The following ZNF318 variants were observed in gnomAD, a reference collection of about 807,000 sequenced individuals.
ZNF318 encodes endocrine regulator.
Under a neutral mutation model 124.2 loss-of-function variants are expected in ZNF318, and 51 were observed. The observed-to-expected ratio is 0.41, with a 90% CI of 0.33 to 0.52. ZNF318 has a LOEUF of 0.52. Ranked by LOEUF, ZNF318 falls within the 20% of genes least tolerant of loss-of-function variation. ZNF318 has a pLI of 0.23. For missense variants in ZNF318, 2,815 were observed against 2,811.2 expected, an observed-to-expected ratio of 1.00 and a Z score of -0.03; for synonymous variants, 1,090 against 1,040.7, an observed-to-expected ratio of 1.05 and a Z score of -0.91.
At chr6:43,346,373 C>T (rs775777856) in intron 6 of ZNF318, among the ~76,000 whole-genome samples, 12 of 151,464 alleles carry the variant, frequency 7.9e-5, no homozygotes, top group Non-Finnish European at 1.8e-4. Flanking sequence ...CTCAGCTACT[C>T]GGCAGGCTGA....
At position 43,368,970 on chromosome 6, in the gene ZNF318, G is replaced by C. The variant is rs1779797376; in HGVS notation, c.396C>G (p.Ser132Arg). 1 of 1,416,232 alleles carries C rather than the reference G, an allele frequency of 7.1e-7. No individual in the cohort carries two copies. The highest frequency in any genetic ancestry group is 1.5e-5 in the African/African-American group (1 of 67,516). The allele number at this position is 1,416,232 out of a possible 1,614,324, so 87.7% of individuals were successfully genotyped here. The change falls in exon 1 of 10, where the codon AGC becomes AGG. Residue 132 changes from serine (S) to arginine (R), a missense_variant. Ser to Arg is a moderately radical substitution (Grantham distance 110). Transcript: ENST00000361428. The stretch of plus-strand genomic sequence containing the variant: ...CCTGGACGAGGGGTGGGATTACCCG[G>C]CTGCCGCTGTCGCCTGGATGGTCTC... ...GRGDHPGDSGSRRRSPGLCSD... is the reference protein window; with the variant it reads ...GRGDHPGDSGRRRRSPGLCSD...
chr6:43,343,010 A>C, intron 6 of ZNF318, 131 bp from the exon 7 acceptor site: 1 of 724,364 alleles, frequency 1.4e-6, no homozygotes, highest in Non-Finnish European at 2.2e-6. Flanking sequence ...AAAGCTGCAC[A>C]AGTTGGGGGG....
At chr6:43,352,192 CCAT>C (rs1190360198) in intron 5 of ZNF318, among the ~76,000 whole-genome samples, 182 bp downstream of exon 5, 17 of 152,078 alleles carry the variant, frequency 1.1e-4, no homozygotes, top group East Asian at 7.7e-4. Flanking sequence ...ATCACCACCA[CCAT>C]CATCTGGGAG....
chr6:43,357,554 G>C lies in ZNF318; in HGVS notation c.760C>G (p.Arg254Gly), dbSNP rs986755957. 2.5e-6 allele frequency: 4 copies of C among 1,613,970 alleles called. No individual in the cohort carries two copies. The Middle Eastern group carries it at 5.0e-4, about 200-fold the overall frequency. Residue 254 changes from arginine to glycine, a missense_variant, in exon 3 of 10, where the codon CGA becomes GGA. Arg to Gly is a moderately radical substitution (Grantham distance 125). This residue lies in a region of ZNF318 where 1,377 missense variants were observed against 1,353.5 expected (regional missense o/e 1.02). Transcript: ENST00000361428. ...DELLRGTERN[R>G]EKLKGYSIRS... ...ATGGAGTAGCCTTTGAGTTTTTCTC[G>C]ATTCCGTTCTGTTCCCCGCAACAGC...
chr6:43,355,325 G>C lies in ZNF318; in HGVS notation c.2009C>G (p.Ser670Cys). Residue 670 changes from serine to cysteine, a missense_variant, in exon 4 of 10, where the codon TCC becomes TGC. Ser to Cys is a moderately radical substitution (Grantham distance 112, BLOSUM62 -1). Transcript: ENST00000361428. The part of the protein sequence containing the change: ...VDHCFSADRR[S>C]SDPHRLESRE... The stretch of plus-strand genomic sequence containing the variant: ...GCTCTCTAGTCTGTGGGGATCTGAG[G>C]AACGTCGATCAGCTGAGAAGCAGTG... 1 of 1,614,228 alleles carries C rather than the reference G, an allele frequency of 6.2e-7. No individual in the cohort carries two copies. The highest frequency in any genetic ancestry group is 8.5e-7 in the Non-Finnish European group (1 of 1,180,044).
chr6:43,352,611 C>T lies in ZNF318; in HGVS notation c.2671-135G>A, dbSNP rs1431644440. On this transcript the variant is annotated intron_variant, in intron 4 of 9. Coordinates refer to ENST00000361428, the MANE Select transcript of ZNF318 (RefSeq NM_014345.3). The stretch of plus-strand genomic sequence containing the variant: ...TGCCTGCACACAGGCTCTGACCTTA[C>T]TGTCAAAGTAATATTTCGTTCTAAG... 3.9e-5 allele frequency: 28 copies of T among 717,206 alleles called. No individual in the cohort carries two copies. In the East Asian group the frequency reaches 7.1e-4, roughly 18 times the overall value. 44.4% of individuals were successfully genotyped at this position (717,206 alleles called of 1,614,324 possible).
At chr6:43,359,375 A>G (rs538617283) in intron 2 of ZNF318, among the ~76,000 whole-genome samples, 1 of 152,358 alleles carries the variant, frequency 6.6e-6, no homozygotes, top group East Asian at 1.9e-4. Context: ...ACCACACCCA[A>G]TAATGCTAAC....
Position 43,350,637 on chromosome 6 carries a change from A to T in ZNF318, c.2770+1740T>A, listed in dbSNP as rs139431027. Among the ~76,000 whole-genome samples the T allele has an allele frequency of 3.2e-4, 49 of 152,174 alleles. 1 individual carries two copies. Among genetic ancestry groups the T allele is most frequent in the African/African-American group, 1.1e-3 (45 of 41,514 alleles). On this transcript the variant is annotated intron_variant, in intron 5 of 9. Transcript: ENST00000361428. ...CAGGAGTTTTGAGACCAGCCTTGGCAACATGGCAAAACCTTGTCTCTAGCC... is the reference window on the plus strand; with the variant it reads ...CAGGAGTTTTGAGACCAGCCTTGGCTACATGGCAAAACCTTGTCTCTAGCC...
chr6:43,356,291 G>T, intron 3 of ZNF318, 146 bp from the exon 4 acceptor site: 1 of 864,134 alleles, frequency 1.2e-6, no homozygotes, highest in Non-Finnish European at 1.7e-6. Flanking sequence ...TCCTTAGCCA[G>T]ATTCAAAATG....
intron 8 of ZNF318, among the ~76,000 whole-genome samples, 172 bp from the exon 9 acceptor site, chr6:43,341,080 A>T (rs1008750795): frequency 6.6e-6 from 1 of 152,154 alleles, no homozygotes; most frequent in African/African-American, 2.4e-5. Flanking sequence ...AGTCTTTCCA[A>T]CCTAAGGCTT....
chr6:43,357,613 G>T lies in ZNF318; in HGVS notation c.701C>A (p.Ser234Tyr). ...YRTKETFLHR[S>Y]DYSPHISCHD... ...ACAACTGATATGGGGACTATAATCA[G>T]ATCGATGCAGGAAAGTTTCTTTTGT... The change falls in exon 3 of 10, where the codon TCT becomes TAT. Residue 234 changes from serine (S) to tyrosine (Y), a missense_variant. By Grantham distance (144) the Ser-to-Tyr change is moderately radical (BLOSUM62 -2). Transcript: ENST00000361428. The T allele has an allele frequency of 6.2e-7, 1 of 1,614,122 alleles. No homozygotes were observed. The highest frequency in any genetic ancestry group is 8.5e-7 in the Non-Finnish European group (1 of 1,180,036).
In ZNF318 at chr6:43,339,006, T is replaced by G. The variant is rs1470762220; in HGVS notation, c.4992A>C (p.Pro1664=). The G allele has an allele frequency of 1.9e-6, 3 of 1,614,232 alleles. No homozygotes were observed. In the South Asian group the frequency reaches 3.3e-5, roughly 18 times the overall value. ...GKWSVVEHVG[P]KSTGSTYGFL... ...AGCCATAGGTGCTGCCTGTGCTTTT[T>G]GGGCCTACATGTTCTACAACTGACC... Residue 1664 remains proline (P), a synonymous_variant, in exon 10 of 10, where the codon CCA becomes CCC. Coordinates refer to ENST00000361428, the MANE Select transcript of ZNF318 (RefSeq NM_014345.3). The surrounding 1 kb of genome is among the most constrained non-coding windows in gnomAD (Gnocchi z 4.2).
In ZNF318 at chr6:43,338,175, C is replaced by T. The variant is rs1779315914; in HGVS notation, c.5823G>A (p.Lys1941=). The T allele has an allele frequency of 6.2e-7, 1 of 1,613,970 alleles. No homozygotes were observed. Among genetic ancestry groups the T allele is most frequent in the Admixed American group, 1.7e-5 (1 of 59,988 alleles). ...RTSRYRSLKL[K]RERSKDFQVK... is the part of the protein sequence containing the mutation. ...CTTGAAAGTCTTTTGATCTTTCTCT[C>T]TTGAGTTTGAGACTTCTGTACCTAG... The change falls in exon 10 of 10, where the codon AAG becomes AAA. Residue 1941 remains lysine, a synonymous_variant. Coordinates refer to ENST00000361428, the MANE Select transcript of ZNF318 (RefSeq NM_014345.3).
chr6:43,354,925 G>A lies in ZNF318; in HGVS notation c.2409C>T (p.Pro803=). The A allele has an allele frequency of 6.2e-6, 10 of 1,611,296 alleles. No individual in the cohort carries two copies. The highest frequency in any genetic ancestry group is 8.5e-6 in the Non-Finnish European group (10 of 1,178,122). Residue 803 remains proline (P), a synonymous_variant, in exon 4 of 10, where the codon CCC becomes CCT. Transcript: ENST00000361428. ...TTGACGGTTGAGAGGTGGGATACATGGGCCATCTGGAGGCTGCATATGCCA... is the reference window on the plus strand; with the variant it reads ...TTGACGGTTGAGAGGTGGGATACATAGGCCATCTGGAGGCTGCATATGCCA... ...HYMAYAASRW[P]MYPTSQPSNH...
chr6:43,342,162 G>C lies in ZNF318; in HGVS notation c.3326C>G (p.Ala1109Gly). Residue 1109 changes from alanine (A) to glycine (G), a missense_variant, in exon 8 of 10, where the codon GCC (alanine) becomes GGC (glycine). Physicochemically the swap from Ala to Gly is moderately conservative, Grantham distance 60. This residue lies in a region of ZNF318 where 500 missense variants were observed against 605.2 expected (regional missense o/e 0.83). Transcript: ENST00000361428. Reference protein sequence around the residue: ...RPWASKTQSEAKQDAIKRTDK... With the variant: ...RPWASKTQSEGKQDAIKRTDK... Reference sequence around the variant, plus strand: ...AGTGCGCTTTATGGCATCTTGCTTGGCCTCACTCTGGGTCTTTGAAGCCCA... The same window carrying C: ...AGTGCGCTTTATGGCATCTTGCTTGCCCTCACTCTGGGTCTTTGAAGCCCA... 1 of 1,613,990 alleles carries C rather than the reference G, an allele frequency of 6.2e-7. No homozygotes were observed. The highest frequency in any genetic ancestry group is 8.5e-7 in the Non-Finnish European group (1 of 1,179,932).
chr6:43,354,555 G>A (rs559821663), intron 4 of ZNF318, 109 bp downstream of exon 4: 93 of 968,620 alleles, frequency 9.6e-5, no homozygotes, highest in East Asian at 6.1e-4. Flanking sequence ...GCCTCCAGAC[G>A]ACTTCAAGTG....
At chr6:43,365,269 GC>G in intron 2 of ZNF318, 22 bp downstream of exon 2, 1 of 1,609,284 alleles carries the variant, frequency 6.2e-7, no homozygotes, top group Non-Finnish European at 8.5e-7. Flanking sequence ...AGTATAGTAG[GC>G]CCTGCCTTAG....
At chr6:43,368,182 T>C (rs1040783050) in intron 1 of ZNF318, among the ~76,000 whole-genome samples, 2 of 152,180 alleles carry the variant, frequency 1.3e-5, no homozygotes, top group African/African-American at 4.8e-5. Context: ...CCTCTAGCAG[T>C]GAAACATAGA....
Position 43,337,253 on chromosome 6 carries a change from C to A in ZNF318, c.6745G>T (p.Val2249Leu), listed in dbSNP as rs761883843. 1 of 1,614,162 alleles carries A rather than the reference C, an allele frequency of 6.2e-7. No individual in the cohort carries two copies. The highest frequency in any genetic ancestry group is 1.1e-5 in the South Asian group (1 of 91,080). Residue 2249 changes from valine (V) to leucine (L), a missense_variant, in exon 10 of 10, where the codon GTA (valine) becomes TTA (leucine). Val to Leu is a conservative substitution (Grantham distance 32, BLOSUM62 1). Transcript: ENST00000361428. ...PVSRSPPREQ[V>L]IEDNMVPQGM... ...TGAGGGACCATATTGTCTTCAATTACCTGCTCCCTTGGAGGGGACCTTGAC... is the reference window on the plus strand; with the variant it reads ...TGAGGGACCATATTGTCTTCAATTAACTGCTCCCTTGGAGGGGACCTTGAC...
Sources: allele counts gnomAD v4.1 joint callset (sites outside exome capture counted in the v4.1 genomes callset), GRCh38; gene constraint gnomAD v4.1.1; regional missense constraint gnomAD v4.1.1; non-coding constraint Gnocchi (gnomAD v3.1); transcripts MANE v1.5; gene names NCBI Gene and HGNC (gene_info 2026-07-23, HGNC 2026-07-21).